Variants in FOCAD observed in about 807,000 individuals in gnomAD.
FOCAD encodes focadhesin.
Under a neutral mutation model 225.6 loss-of-function variants are expected in FOCAD, and 198 were observed. The ratio of observed to expected loss-of-function variants is 0.88; its 90% CI spans 0.78 to 0.99. The LOEUF (loss-of-function observed/expected upper bound fraction) is 0.99. Among genes scored for constraint, FOCAD ranks in the 50% least tolerant of loss-of-function variants. The pLI is 0.00. For synonymous variants in FOCAD, 897 were observed against 755.0 expected (o/e 1.19, Z -3.08); for missense variants, 2,713 against 2,123.6 (o/e 1.28, Z -5.46).
intron 4 of FOCAD, among the ~76,000 whole-genome samples, chr9:20,724,375 AT>A (rs1234711620): frequency 4.6e-5 from 7 of 152,132 alleles, no homozygotes; most frequent in African/African-American, 1.7e-4. Context: ...TTCTTTGGCT[AT>A]TTGGCCAACA....
chr9:20,958,257 T>A (rs915938780), intron 35 of FOCAD, among the ~76,000 whole-genome samples: 9 of 152,066 alleles, frequency 5.9e-5, no homozygotes, highest in African/African-American at 1.9e-4. Flanking sequence ...AAAAAACAAA[T>A]GATAACAATA....
At position 20,993,291 on chromosome 9, in the gene FOCAD, A is replaced by G; in HGVS notation, c.5295A>G (p.Lys1765=). 1 of 1,614,060 alleles carries G rather than the reference A, an allele frequency of 6.2e-7. No individual in the cohort carries two copies. ...DWLFSIMESP[K]EALSAQSRDL... is the part of the protein sequence containing the mutation. ...TATTCAGCATCATGGAAAGCCCTAA[A>G]GAAGCCCTCTCAGCACAGTCCAGGG... The change falls in exon 43 of 44, where the codon AAA becomes AAG. Residue 1765 remains lysine (K), a synonymous_variant. Transcript: ENST00000338382.
At chr9:20,866,887 G>GTTTTTTTT in intron 17 of FOCAD, 42 bp from the exon 18 acceptor site, 1 of 451,116 alleles carries the variant, frequency 2.2e-6, no homozygotes, top group Non-Finnish European at 3.0e-6. Context: ...TTGTTTGCTT[G>GTTTTTTTT]CTTTTTTTTT....
intron 18 of FOCAD, among the ~76,000 whole-genome samples, chr9:20,871,865 A>T: frequency 1.3e-5 from 2 of 150,724 alleles, no homozygotes; most frequent in Non-Finnish European, 3.0e-5. Flanking sequence ...ATATGTAACT[A>T]ACCTGCACAT....
intron 15 of FOCAD, among the ~76,000 whole-genome samples, chr9:20,839,101 A>G (rs745537148): frequency 2.0e-5 from 3 of 151,706 alleles, no homozygotes; most frequent in Non-Finnish European, 2.9e-5. Flanking sequence ...CATACCAGTT[A>G]TATGAATTTA....
chr9:20,843,412 T>G (rs563661031), intron 15 of FOCAD, among the ~76,000 whole-genome samples: 2 of 152,132 alleles, frequency 1.3e-5, no homozygotes, highest in African/African-American at 4.8e-5. Context: ...TTCAGCACTT[T>G]AAATATGTCA....
chr9:20,662,820 A>C (rs905482107), intron 2 of FOCAD, among the ~76,000 whole-genome samples: 2 of 152,298 alleles, frequency 1.3e-5, no homozygotes, highest in East Asian at 3.9e-4. Context: ...AAGAGTCAGG[A>C]ATATATTTTG....
chr9:20,655,809 C>T (rs1413670911), upstream of FOCAD, among the ~76,000 whole-genome samples: 1 of 151,906 alleles, frequency 6.6e-6, no homozygotes, highest in Non-Finnish European at 1.5e-5. Flanking sequence ...TATTTCTTGC[C>T]TTCTGCTAGA....
chr9:20,743,979 C>T (rs1055500471), intron 5 of FOCAD, among the ~76,000 whole-genome samples: 1 of 152,094 alleles, frequency 6.6e-6, no homozygotes, highest in South Asian at 2.1e-4. Flanking sequence ...ATGTGTCAGT[C>T]ATGGACAATA....
chr9:20,862,036 C>G (rs1181996831), intron 15 of FOCAD, among the ~76,000 whole-genome samples: 1 of 152,036 alleles, frequency 6.6e-6, no homozygotes, highest in South Asian at 2.1e-4. Flanking sequence ...ACTTTTAAGA[C>G]ATCTTAAATT....
intron 11 of FOCAD, among the ~76,000 whole-genome samples, chr9:20,800,296 C>A (rs535593890): frequency 6.6e-6 from 1 of 152,202 alleles, no homozygotes; most frequent in South Asian, 2.1e-4. Flanking sequence ...TCCTTCATTT[C>A]AACTTTGGTG....
At chr9:20,835,523 G>A (rs1311931395) in intron 15 of FOCAD, among the ~76,000 whole-genome samples, 1 of 152,026 alleles carries the variant, frequency 6.6e-6, no homozygotes, top group Non-Finnish European at 1.5e-5. Context: ...TGGTGAATGA[G>A]TCATAATATT....
chr9:20,895,685 T>C (rs1214016561), intron 21 of FOCAD, among the ~76,000 whole-genome samples: 1 of 151,872 alleles, frequency 6.6e-6, no homozygotes, highest in Non-Finnish European at 1.5e-5. Flanking sequence ...TTCATTGCTG[T>C]CATATAGGAA....
intron 15 of FOCAD, among the ~76,000 whole-genome samples, chr9:20,832,241 A>G (rs375254113): frequency 6.6e-6 from 1 of 152,012 alleles, no homozygotes; most frequent in African/African-American, 2.4e-5. Context: ...TCTATGCTTA[A>G]CTGTTTTGAG....
intron 11 of FOCAD, among the ~76,000 whole-genome samples, chr9:20,800,807 C>G (rs1821730266): frequency 6.6e-6 from 1 of 152,080 alleles, no homozygotes; most frequent in African/African-American, 2.4e-5. Context: ...CCTCCTTTAG[C>G]TCGGAGAAGT....
chr9:20,681,006 AC>A (rs1822383917), upstream of FOCAD, among the ~76,000 whole-genome samples: 1 of 152,154 alleles, frequency 6.6e-6, no homozygotes, highest in African/African-American at 2.4e-5. Flanking sequence ...TCAAACCAAA[AC>A]AAAGCCAAAA....
At chr9:20,730,983 C>G (rs1417857242) in intron 4 of FOCAD, among the ~76,000 whole-genome samples, 3 of 152,190 alleles carry the variant, frequency 2.0e-5, no homozygotes, top group African/African-American at 7.2e-5. Context: ...CGCCTGTAAT[C>G]CCAGCACTTT....
chr9:20,912,987 T>G, intron 23 of FOCAD, 33 bp downstream of exon 23: 1 of 1,560,916 alleles, frequency 6.4e-7, no homozygotes. Context: ...CCATTATTTG[T>G]CATGGGAAGT....
chr9:20,948,932 A>T lies in FOCAD; in HGVS notation c.3876+4A>T, dbSNP rs751750873. 1.9e-6 allele frequency: 3 copies of T among 1,613,002 alleles called. No homozygotes were observed. The African/African-American group carries it at 4.0e-5, about 22-fold the overall frequency. ...CTCTGAAGGGGATGTAATGCAGGTA[A>T]AGAAAGGAACCATGGAGGGGAAGAC... On this transcript the variant is annotated splice_donor_region_variant and intron_variant, in intron 32 of 43. Transcript: ENST00000338382.
Sources: gnomAD v4.1 joint callset for allele counts (sites outside exome capture counted in the v4.1 genomes callset) on GRCh38, gnomAD v4.1.1 for gene constraint, MANE v1.5 for transcripts, NCBI Gene and HGNC (gene_info 2026-07-23, HGNC 2026-07-21) for gene names.